COA1: variants seen among roughly 807,000 people sequenced by gnomAD.
COA1 encodes cytochrome c oxidase assembly factor 1.
In COA1, 13 loss-of-function variants were observed where a neutral mutation model predicts 16.0. The ratio of observed to expected loss-of-function variants is 0.81; its 90% CI spans 0.53 to 1.29. COA1 has a LOEUF of 1.29. Ranked by LOEUF, COA1 falls within the 50% of genes most tolerant of loss-of-function variation. The probability of loss-of-function intolerance (pLI) is 0.00; values close to 1 mark genes in which losing one functional copy is unlikely to be tolerated. For synonymous variants in COA1, 65 were observed against 65.7 expected, an observed-to-expected ratio of 0.99 and a Z score of 0.05; for missense variants, 179 against 177.0, an observed-to-expected ratio of 1.01 and a Z score of -0.06.
At chr7:43,658,938 A>C (rs1463548122) in intron 1 of COA1, 1 of 152,544 alleles carries the variant, frequency 6.6e-6, no homozygotes, top group Non-Finnish European at 1.5e-5. Context: ...GGTCTTCATC[A>C]TGCAGGTTTT....
intron 1 of COA1, among the ~76,000 whole-genome samples, chr7:43,690,006 C>G (rs572597935): frequency 3.3e-5 from 5 of 151,884 alleles, no homozygotes; most frequent in South Asian, 2.1e-4. Context: ...ACATAGAAAA[C>G]AAAGATGAAG....
intron 1 of COA1, among the ~76,000 whole-genome samples, chr7:43,654,157 C>T (rs2153123082): frequency 6.6e-6 from 1 of 152,260 alleles, no homozygotes; most frequent in South Asian, 2.1e-4. Context: ...TCTCTCCACA[C>T]CCAGCTCAAA....
In COA1 at chr7:43,645,400, C is replaced by G. The variant is rs200911102; in HGVS notation, c.116-1G>C. On this transcript the variant is annotated splice_acceptor_variant, in intron 3 of 5. Coordinates refer to ENST00000223336, the MANE Select transcript of COA1 (RefSeq NM_018224.4). LOFTEE classifies it high-confidence loss of function. Reference sequence around the variant, plus strand: ...TAATATAAAGCCCTGGAATGAAACTCTAAGGACGAAAGACACACTTATTTT... The same window carrying G: ...TAATATAAAGCCCTGGAATGAAACTGTAAGGACGAAAGACACACTTATTTT... 18 of 1,613,860 alleles carry G rather than the reference C, an allele frequency of 1.1e-5. No individual in the cohort carries two copies. In the Admixed American group the frequency reaches 1.7e-4, roughly 15 times the overall value.
At chr7:43,686,952 C>A (rs572843457) in intron 1 of COA1, among the ~76,000 whole-genome samples, 1 of 152,202 alleles carries the variant, frequency 6.6e-6, no homozygotes, top group African/African-American at 2.4e-5. Context: ...GCAGTCCCAG[C>A]TTTTAGAGCC....
chr7:43,686,813 A>G (rs1256761337), intron 1 of COA1, among the ~76,000 whole-genome samples: 1 of 152,236 alleles, frequency 6.6e-6, no homozygotes, highest in Non-Finnish European at 1.5e-5. Flanking sequence ...TCAACGAGAA[A>G]AAGGCTCTGT....
chr7:43,624,884 A>G (rs142415211), intron 6 of COA1: 17,223 of 1,503,486 alleles, frequency 0.011, 156 homozygotes, highest in Middle Eastern at 0.02. Flanking sequence ...TACATTGAAA[A>G]TGTTAATATT....
intron 1 of COA1, among the ~76,000 whole-genome samples, chr7:43,660,255 G>C (rs1338107465): frequency 1.3e-5 from 2 of 151,850 alleles, no homozygotes; most frequent in African/African-American, 4.8e-5. Flanking sequence ...CTATCTCCAG[G>C]CCAGGTGTCC....
intron 1 of COA1, among the ~76,000 whole-genome samples, chr7:43,699,943 G>A (rs1257930037): frequency 1.3e-5 from 2 of 152,042 alleles, no homozygotes; most frequent in African/African-American, 4.8e-5. Flanking sequence ...TAGCTATTAA[G>A]TATACATATA....
chr7:43,645,388 T>C lies in COA1; in HGVS notation c.127A>G (p.Arg43Gly). Residue 43 changes from arginine (R) to glycine (G), a missense_variant, in exon 4 of 6, where the codon AGG (arginine) becomes GGG (glycine). Arg to Gly is a moderately radical substitution (Grantham distance 125). Transcript: ENST00000223336. ...VYYLIQKFHS[R>G]ALYYKLAVEQ... Reference sequence around the variant, plus strand: ...ACTGCCAACTTGTAATATAAAGCCCTGGAATGAAACTCTAAGGACGAAAGA... The same window carrying C: ...ACTGCCAACTTGTAATATAAAGCCCCGGAATGAAACTCTAAGGACGAAAGA... 1.9e-6 allele frequency: 3 copies of C among 1,614,032 alleles called. No homozygotes were observed. The highest frequency in any genetic ancestry group is 2.5e-6 in the Non-Finnish European group (3 of 1,179,922).
At chr7:43,678,687 G>A (rs1347351626) in intron 1 of COA1, among the ~76,000 whole-genome samples, 2 of 151,814 alleles carry the variant, frequency 1.3e-5, no homozygotes, top group African/African-American at 4.8e-5. Context: ...GATATGAAAT[G>A]GCCAATAGGC....
chr7:43,692,892 C>A (rs569981109), intron 1 of COA1, among the ~76,000 whole-genome samples: 60 of 152,108 alleles, frequency 3.9e-4, no homozygotes, highest in African/African-American at 1.4e-3. Context: ...TCTGAAGGTT[C>A]CTGCTTGGGA....
At position 43,691,421 on chromosome 7, in the gene COA1, AAAAGAAAGAAAGAAAGAAAGAAAG is replaced by A. The variant is rs375210311; in HGVS notation, c.-39+37984_-39+38007del. ...GAAGGAAGGAAGGAAGGAAGAAAGA[AAAAGAAAGAAAGAAAGAAAGAAAG>A]AAAGAAAGAAAGAAAGAAAGAAAGA... On this transcript the variant is annotated intron_variant, in intron 1 of 5. Transcript: ENST00000223336. Among the ~76,000 whole-genome samples, 399 of 87,496 alleles carry A rather than the reference AAAAGAAAGAAAGAAAGAAAGAAAG, an allele frequency of 4.6e-3. 2 individuals are homozygous for A. The highest frequency in any genetic ancestry group is 0.011 in the Middle Eastern group (2 of 186). The allele number at this position is 87,496 out of a possible 152,430, so 57.4% of individuals were successfully genotyped here.
chr7:43,647,877 AC>A, intron 2 of COA1: 1 of 511,888 alleles, frequency 2.0e-6, no homozygotes, highest in Non-Finnish European at 3.5e-6. Context: ...GGGCCCTGCC[AC>A]CCCCAGCCAG....
At chr7:43,637,481 A>G (rs1252009457), downstream of COA1, among the ~76,000 whole-genome samples, 1 of 152,184 alleles carries the variant, frequency 6.6e-6, no homozygotes, top group Non-Finnish European at 1.5e-5. Flanking sequence ...CCCTTCCTCA[A>G]AAAGTCACCT....
At chr7:43,638,566 CTTTTTTTTTTTTT>C (rs746584234), downstream of COA1, among the ~76,000 whole-genome samples, 5,405 of 97,462 alleles carry the variant, frequency 0.055, 135 homozygotes, top group Middle Eastern at 0.1. Context: ...TTTTTCTTTC[CTTTTTTTTTTTTT>C]TTTTTTTTTT....
At chr7:43,619,737 A>G (rs1051301291) in intron 6 of COA1, 1 of 1,612,588 alleles carries the variant, frequency 6.2e-7, no homozygotes, top group African/African-American at 1.3e-5. Flanking sequence ...AGTATTCATA[A>G]AAGTAGTTTT....
At chr7:43,698,718 C>G (rs760892900) in intron 1 of COA1, among the ~76,000 whole-genome samples, 2 of 152,112 alleles carry the variant, frequency 1.3e-5, no homozygotes, top group Non-Finnish European at 1.5e-5. Context: ...AAATAGCATA[C>G]CATACTTACA....
intron 1 of COA1, among the ~76,000 whole-genome samples, chr7:43,691,072 A>AC (rs60115205): frequency 0.3 from 32,119 of 105,770 alleles, 3,022 homozygotes; most frequent in African/African-American, 0.4. Flanking sequence ...AAAAAAAAAA[A>AC]AAAAACAAAA....
intron 1 of COA1, among the ~76,000 whole-genome samples, chr7:43,653,965 G>A (rs965492708): frequency 1.3e-5 from 2 of 152,066 alleles, no homozygotes; most frequent in African/African-American, 4.8e-5. Flanking sequence ...TACCTATAAA[G>A]ATACACACAA....
Sources: allele counts gnomAD v4.1 joint callset (sites outside exome capture counted in the v4.1 genomes callset), GRCh38; gene constraint gnomAD v4.1.1; transcripts MANE v1.5; gene names NCBI Gene and HGNC (gene_info 2026-07-23, HGNC 2026-07-21).